The following ITSN1 variants were observed in gnomAD, a reference collection of about 807,000 sequenced individuals.
The protein encoded by ITSN1 is intersectin 1.
Under a neutral mutation model 239.8 loss-of-function variants are expected in ITSN1, and 58 were observed. That is an observed-to-expected ratio of 0.24 (90% CI 0.20 to 0.30). ITSN1 has a LOEUF of 0.30. Ranked by LOEUF, ITSN1 falls within the 10% of genes least tolerant of loss-of-function variation. The pLI is 1.00. For missense variants in ITSN1, 1,558 were observed against 2,103.3 expected (o/e 0.74, Z 5.07); for synonymous variants, 780 against 770.8 (o/e 1.01, Z -0.20).
At position 33,735,956 on chromosome 21, in the gene ITSN1, A is replaced by G. The variant is rs903992942; in HGVS notation, c.346+752A>G. On this transcript the variant is annotated intron_variant, in intron 5 of 39. Transcript: ENST00000381318. ...GGCTGCAGTGAGCCAAAATTGTGCC[A>G]CTGTACTCCAGCCTGTGCGACAGAG... Among the ~76,000 whole-genome samples the G allele has an allele frequency of 6.6e-5, 10 of 152,360 alleles. No individual in the cohort carries two copies. In the East Asian group the frequency reaches 1.9e-3, roughly 29 times the overall value.
chr21:33,775,168 A>G, intron 14 of ITSN1, 60 bp downstream of exon 14: 3 of 1,534,062 alleles, frequency 2.0e-6, no homozygotes, highest in East Asian at 2.3e-5. Context: ...TCTCTAATTC[A>G]TTTCATTTAC....
At chr21:33,819,160 G>A in intron 23 of ITSN1, 81 bp from the exon 24 acceptor site, 1 of 1,102,234 alleles carries the variant, frequency 9.1e-7, no homozygotes, top group Non-Finnish European at 1.4e-6. Context: ...AAGTTAAGCA[G>A]TTTTAACAGA....
At position 33,737,092 on chromosome 21, in the gene ITSN1, C is replaced by G. The variant is rs569155185; in HGVS notation, c.346+1888C>G. 3.9e-5 allele frequency among the ~76,000 whole-genome samples: 6 copies of G among 152,262 alleles called. No homozygotes were observed. The South Asian group carries it at 1.2e-3, about 32-fold the overall frequency. ...AAAAGGTCAAATGACTAGAGGCACC[C>G]CATTTCTCCTTTTTCTCTCAAACCT... is the stretch of plus-strand genomic sequence containing the variant. On this transcript the variant is annotated intron_variant, in intron 5 of 39. Coordinates refer to ENST00000381318, the MANE Select transcript of ITSN1 (RefSeq NM_003024.3).
intron 29 of ITSN1, among the ~76,000 whole-genome samples, chr21:33,847,885 C>T (rs1292008590): frequency 6.6e-6 from 1 of 152,178 alleles, no homozygotes; most frequent in Non-Finnish European, 1.5e-5. Context: ...ACATGGGAAC[C>T]ACACGGGAGC....
chr21:33,806,061 A>AG (rs2072414511), intron 20 of ITSN1, among the ~76,000 whole-genome samples: 1 of 149,172 alleles, frequency 6.7e-6, no homozygotes, highest in African/African-American at 2.5e-5. Context: ...AAAAAAAAAA[A>AG]TTAGCCGGGC....
At chr21:33,732,597 C>T (rs1056031879) in intron 4 of ITSN1, among the ~76,000 whole-genome samples, 8 of 151,936 alleles carry the variant, frequency 5.3e-5, no homozygotes, top group Non-Finnish European at 1.0e-4. Context: ...GCAGTAAGAC[C>T]AATAAAAAAG....
chr21:33,672,495 TGAAG>T (rs1180955225), intron 1 of ITSN1, among the ~76,000 whole-genome samples: 1 of 152,076 alleles, frequency 6.6e-6, no homozygotes, highest in African/African-American at 2.4e-5. Flanking sequence ...GGCCAGGATA[TGAAG>T]AAAAGGGAAC....
chr21:33,668,270 G>C (rs935253798), intron 1 of ITSN1, among the ~76,000 whole-genome samples: 14 of 152,210 alleles, frequency 9.2e-5, no homozygotes, highest in African/African-American at 3.1e-4. Context: ...ACAAATTGGA[G>C]TCTTTTAGGA....
Position 33,819,189 on chromosome 21 carries a change from C to T in ITSN1, c.2934-52C>T, listed in dbSNP as rs148184109. The T allele has an allele frequency of 9.0e-4, 1,226 of 1,363,928 alleles. 11 individuals are homozygous for T. In the African/African-American group the frequency reaches 0.012, roughly 13 times the overall value. 84.5% of individuals were successfully genotyped at this position (1,363,928 alleles called of 1,614,324 possible). On this transcript the variant is annotated intron_variant, in intron 23 of 39. Transcript: ENST00000381318. ...TAACAGAAAAATCAGTGTCATTGTA[C>T]GATTTTCTTTGAAGATAAAAATTAA...
chr21:33,841,421 A>G (rs925644642), intron 29 of ITSN1, among the ~76,000 whole-genome samples: 9 of 152,360 alleles, frequency 5.9e-5, no homozygotes, highest in Admixed American at 5.9e-4. Context: ...TGAGTGAATG[A>G]AATCAACCGG....
Position 33,837,600 on chromosome 21 carries a change from C to T in ITSN1, c.3661+968C>T, listed in dbSNP as rs146451337. ...ACGTATAGAATGAGCCCAATTAAAGCGAAGGTGTTTGTGCTTGTTTGTGTG... is the reference window on the plus strand; with the variant it reads ...ACGTATAGAATGAGCCCAATTAAAGTGAAGGTGTTTGTGCTTGTTTGTGTG... On this transcript the variant is annotated intron_variant, in intron 29 of 39. Transcript: ENST00000381318. 8 of 985,824 alleles carry T rather than the reference C, an allele frequency of 8.1e-6. No homozygotes were observed. The African/African-American group carries it at 1.4e-4, about 17-fold the overall frequency. The allele number at this position is 985,824 out of a possible 1,614,324, so 61.1% of individuals were successfully genotyped here. A position where few individuals can be genotyped will look rare whatever the true frequency, so the allele number is the denominator to read the frequency against.
intron 1 of ITSN1, among the ~76,000 whole-genome samples, chr21:33,663,955 G>A (rs1336796347): frequency 1.3e-5 from 2 of 152,084 alleles, no homozygotes; most frequent in African/African-American, 4.8e-5. Context: ...GTAGACAGTG[G>A]GGGTTGGAAC....
chr21:33,786,439 C>G (rs2070688928), intron 16 of ITSN1, among the ~76,000 whole-genome samples: 1 of 152,216 alleles, frequency 6.6e-6, no homozygotes, highest in Non-Finnish European at 1.5e-5. Flanking sequence ...GGTAGTTTTT[C>G]TTACACACAG....
At chr21:33,858,623 CGT>C in intron 30 of ITSN1, 61 bp from the exon 31 acceptor site, 1 of 1,024,098 alleles carries the variant, frequency 9.8e-7, no homozygotes, top group Non-Finnish European at 1.5e-6. Flanking sequence ...AGCGGATCGG[CGT>C]GTGAGTGTGT....
At chr21:33,699,757 C>G (rs2091931123) in intron 1 of ITSN1, among the ~76,000 whole-genome samples, 2 of 152,154 alleles carry the variant, frequency 1.3e-5, no homozygotes, top group African/African-American at 4.8e-5. Flanking sequence ...AGCCCAAAGG[C>G]AATTTCATTT....
rs574118834 is a variant in ITSN1, at chr21:33,882,326, C to T, written c.4425C>T (p.Asn1475=). The T allele has an allele frequency of 6.8e-6, 11 of 1,614,120 alleles. No individual in the cohort carries two copies. Among genetic ancestry groups the T allele is most frequent in the Non-Finnish European group, 9.3e-6 (11 of 1,180,046 alleles). Residue 1475 remains asparagine, a synonymous_variant, in exon 35 of 40, where the codon AAC becomes AAT. Coordinates refer to ENST00000381318, the MANE Select transcript of ITSN1 (RefSeq NM_003024.3). The surrounding 1 kb of genome is among the most constrained non-coding windows in gnomAD (Gnocchi z 4.5). ...GGAAGCTCTACAAGGCCAAGAGCAA[C>T]AAGGAGCTGTATGGCTTCCTTTTCA... ...HSGKLYKAKS[N]KELYGFLFND...
chr21:33,706,566 G>A (rs2092255371), intron 1 of ITSN1, among the ~76,000 whole-genome samples: 2 of 150,762 alleles, frequency 1.3e-5, no homozygotes, highest in Admixed American at 1.3e-4. Flanking sequence ...CATAGACTAT[G>A]CTTCACCCTA....
chr21:33,836,173 G>C (rs560466280), intron 28 of ITSN1, among the ~76,000 whole-genome samples: 5 of 152,288 alleles, frequency 3.3e-5, no homozygotes, highest in African/African-American at 1.2e-4. Context: ...GATTAGCACT[G>C]TACATTTTCT....
chr21:33,683,496 C>A (rs1409688693), intron 1 of ITSN1, among the ~76,000 whole-genome samples: 2 of 152,120 alleles, frequency 1.3e-5, no homozygotes, highest in Non-Finnish European at 2.9e-5. Context: ...CATTAATCAT[C>A]TTTTCTTCAA....
Sources: gnomAD v4.1 joint callset for allele counts (sites outside exome capture counted in the v4.1 genomes callset) on GRCh38, gnomAD v4.1.1 for gene constraint, Gnocchi (gnomAD v3.1) non-coding constraint, MANE v1.5 for transcripts, NCBI Gene and HGNC (gene_info 2026-07-23, HGNC 2026-07-21) for gene names.